The following CLDN1 variants were observed in gnomAD, a reference collection of about 807,000 sequenced individuals.
CLDN1 encodes the protein claudin-1.
Under a neutral mutation model 22.6 loss-of-function variants are expected in CLDN1, and 12 were observed. That is an observed-to-expected ratio of 0.53 (90% CI 0.34 to 0.86). The LOEUF is 0.86. CLDN1 is among the 40% of genes least tolerant of loss of function. The pLI, the probability that CLDN1 is intolerant of heterozygous loss-of-function variation, is 0.02. For missense variants in CLDN1, 250 were observed against 269.5 expected (o/e 0.93, Z 0.51); for synonymous variants, 99 against 103.8 (o/e 0.95, Z 0.28).
chr3:190,308,058 A>C lies in CLDN1; in HGVS notation c.*219T>G, dbSNP rs950895964. 3.7e-5 allele frequency: 19 copies of C among 519,180 alleles called. No individual in the cohort carries two copies. The African/African-American group carries it at 3.7e-4, about 10-fold the overall frequency. 32.2% of individuals were successfully genotyped at this position (519,180 alleles called of 1,614,324 possible). On this transcript the variant is annotated 3_prime_UTR_variant, in exon 4 of 4. Transcript: ENST00000295522. The stretch of plus-strand genomic sequence containing the variant: ...AATGGGAAGCAGTAATACAAATGGA[A>C]AAATCTTCCCTCCTATATTGAGGAA...
intron 3 of CLDN1, among the ~76,000 whole-genome samples, chr3:190,309,884 T>C (rs758774909): frequency 3.9e-5 from 6 of 152,198 alleles, no homozygotes; most frequent in Non-Finnish European, 7.3e-5. Context: ...TTAACATCTT[T>C]ATTAATATTT....
chr3:190,308,486 AC>A, intron 3 of CLDN1, 47 bp from the exon 4 acceptor site: 1 of 1,576,388 alleles, frequency 6.3e-7, no homozygotes, highest in Non-Finnish European at 8.7e-7. Context: ...ATTATTGGCA[AC>A]TTTTCTAATA....
chr3:190,322,293 T>A lies in CLDN1; in HGVS notation c.-87A>T. ...GGTGGGCAACCCGGACTCCCGAAGG[T>A]GGCTGGGCCCCGCGGAGGAAGTTAA... On this transcript the variant is annotated 5_prime_UTR_variant, in exon 1 of 4. Coordinates refer to ENST00000295522, the MANE Select transcript of CLDN1 (RefSeq NM_021101.5). 1 of 1,188,540 alleles carries A rather than the reference T, an allele frequency of 8.4e-7. No individual in the cohort carries two copies. Among genetic ancestry groups the A allele is most frequent in the Non-Finnish European group, 1.2e-6 (1 of 815,998 alleles). 73.6% of individuals were successfully genotyped at this position (1,188,540 alleles called of 1,614,324 possible). A position where few individuals can be genotyped will look rare whatever the true frequency, so the allele number is the denominator to read the frequency against.
chr3:190,317,726 C>T (rs1429513222), intron 1 of CLDN1, among the ~76,000 whole-genome samples: 2 of 152,184 alleles, frequency 1.3e-5, no homozygotes, highest in Admixed American at 6.5e-5. Flanking sequence ...TCAAGTCCTA[C>T]AGTTGATCCT....
At chr3:190,320,460 T>A (rs1195791106) in intron 1 of CLDN1, among the ~76,000 whole-genome samples, 1 of 152,212 alleles carries the variant, frequency 6.6e-6, no homozygotes, top group Admixed American at 6.5e-5. Flanking sequence ...AGTACAAATA[T>A]AACCCCTGAG....
chr3:190,316,284 T>C (rs974450711), intron 1 of CLDN1, among the ~76,000 whole-genome samples: 2 of 152,242 alleles, frequency 1.3e-5, no homozygotes, highest in Non-Finnish European at 2.9e-5. Context: ...CTGGCAACTA[T>C]TGACTTATAC....
At chr3:190,321,861 A>G (rs1716930712) in intron 1 of CLDN1, 123 bp downstream of exon 1, 2 of 760,724 alleles carry the variant, frequency 2.6e-6, no homozygotes, top group Admixed American at 4.3e-5. Context: ...AGAGCACATG[A>G]TCAGAAGACT....
chr3:190,310,289 A>G (rs1194984291), intron 2 of CLDN1, 36 bp from the exon 3 acceptor site: 4 of 1,519,626 alleles, frequency 2.6e-6, no homozygotes, highest in Admixed American at 3.3e-5. Flanking sequence ...GTTAATCACC[A>G]TGGAACACTG....
At chr3:190,321,529 T>C (rs537495007) in intron 1 of CLDN1, among the ~76,000 whole-genome samples, 1 of 152,380 alleles carries the variant, frequency 6.6e-6, no homozygotes, top group East Asian at 1.9e-4. Context: ...TAAAAAGTTA[T>C]ATCTAATACT....
rs993284435 is a variant in CLDN1, at chr3:190,307,909, G to T, written c.*368C>A. 1.2e-5 allele frequency: 2 copies of T among 169,538 alleles called. No homozygotes were observed. The highest frequency in any genetic ancestry group is 4.8e-5 in the African/African-American group (2 of 41,606). 10.5% of individuals were successfully genotyped at this position (169,538 alleles called of 1,614,324 possible). A position where few individuals can be genotyped will look rare whatever the true frequency, so the allele number is the denominator to read the frequency against. On this transcript the variant is annotated 3_prime_UTR_variant, in exon 4 of 4. Transcript: ENST00000295522. ...TTTACCTATTTTAGAGATATTTTAA[G>T]TATGCTAGTATCAACATAATGAGAA...
chr3:190,322,198 G>C lies in CLDN1; in HGVS notation c.9C>G (p.Asn3Lys). MA[N>K]AGLQLLGFIL... ...TGAAGCCCAACAGCTGCAGCCCCGC[G>C]TTGGCCATGACTCGCTCGGGCGCCC... The change falls in exon 1 of 4, where the codon AAC becomes AAG. Residue 3 changes from asparagine to lysine, a missense_variant. Coordinates refer to ENST00000295522, the MANE Select transcript of CLDN1 (RefSeq NM_021101.5). 6.2e-7 allele frequency: 1 copy of C among 1,613,728 alleles called. No individual in the cohort carries two copies. The highest frequency in any genetic ancestry group is 8.5e-7 in the Non-Finnish European group (1 of 1,179,996).
chr3:190,319,726 G>A (rs949422651), intron 1 of CLDN1, among the ~76,000 whole-genome samples: 5 of 152,142 alleles, frequency 3.3e-5, no homozygotes, highest in African/African-American at 1.2e-4. Context: ...TTTTCTGAGT[G>A]ATACTGCTTA....
At chr3:190,315,806 C>T (rs1163245629) in intron 1 of CLDN1, among the ~76,000 whole-genome samples, 1 of 152,122 alleles carries the variant, frequency 6.6e-6, no homozygotes, top group Non-Finnish European at 1.5e-5. Context: ...CAGGTCTGAG[C>T]ACTTAGATCG....
chr3:190,311,702 T>C (rs368192598), intron 2 of CLDN1, among the ~76,000 whole-genome samples: 11 of 151,102 alleles, frequency 7.3e-5, no homozygotes, highest in South Asian at 6.6e-4. Context: ...AGCTGTATAA[T>C]TTATATGGAG....
At position 190,308,091 on chromosome 3, in the gene CLDN1, A is replaced by T; in HGVS notation, c.*186T>A. On this transcript the variant is annotated 3_prime_UTR_variant, in exon 4 of 4. Transcript: ENST00000295522. ...CCCTCCTATATTGAGGAAAGAAGAT[A>T]AAATAAGATTAAGCCATGTTTAGCA... 1 of 653,220 alleles carries T rather than the reference A, an allele frequency of 1.5e-6. No individual in the cohort carries two copies. The highest frequency in any genetic ancestry group is 2.6e-6 in the Non-Finnish European group (1 of 383,586). The allele number at this position is 653,220 out of a possible 1,614,324, so 40.5% of individuals were successfully genotyped here. A position where few individuals can be genotyped will look rare whatever the true frequency, so the allele number is the denominator to read the frequency against.
At position 190,307,402 on chromosome 3, in the gene CLDN1, C is replaced by CT. The variant is rs1716484157; in HGVS notation, c.*874dup. The CT allele has an allele frequency of 6.6e-6, 1 of 152,052 alleles. No individual in the cohort carries two copies. The highest frequency in any genetic ancestry group is 1.5e-5 in the Non-Finnish European group (1 of 67,992). 9.4% of individuals were successfully genotyped at this position (152,052 alleles called of 1,614,324 possible). On this transcript the variant is annotated 3_prime_UTR_variant, in exon 4 of 4. Coordinates refer to ENST00000295522, the MANE Select transcript of CLDN1 (RefSeq NM_021101.5). ...AATCAATAAAGTTGTGTTACAACAC[C>CT]TGGGGGAACAGCATGCAGCTACTCA...
chr3:190,309,571 T>C lies in CLDN1; in HGVS notation c.473+598A>G, dbSNP rs568839153. Among the ~76,000 whole-genome samples the C allele has an allele frequency of 1.1e-4, 17 of 152,334 alleles. 1 individual carries two copies. In the East Asian group the frequency reaches 3.3e-3, roughly 29 times the overall value. On this transcript the variant is annotated intron_variant, in intron 3 of 3. Transcript: ENST00000295522. ...CTCGTCTCTGATTAAAGAATGTTGT[T>C]ACACGAGAGCTAAGAATCAGCTCAA... is the stretch of plus-strand genomic sequence containing the variant.
chr3:190,313,427 T>C (rs1716679214), intron 1 of CLDN1, among the ~76,000 whole-genome samples: 1 of 152,252 alleles, frequency 6.6e-6, no homozygotes, highest in African/African-American at 2.4e-5. Context: ...CTATCCTGGA[T>C]GTTAACTATT....
At chr3:190,321,194 CCCTTCAGTG>C (rs1296348283) in intron 1 of CLDN1, among the ~76,000 whole-genome samples, 1 of 152,182 alleles carries the variant, frequency 6.6e-6, no homozygotes, top group Admixed American at 6.5e-5. Context: ...TGCTGCATTT[CCCTTCAGTG>C]CCTTTACTTT....
Sources: allele counts gnomAD v4.1 joint callset (sites outside exome capture counted in the v4.1 genomes callset), GRCh38; gene constraint gnomAD v4.1.1; transcripts MANE v1.5; gene names NCBI Gene and HGNC (gene_info 2026-07-23, HGNC 2026-07-21).